The following PTPRO variants were observed in gnomAD, a reference collection of about 807,000 sequenced individuals.
PTPRO encodes protein tyrosine phosphatase receptor type O, also known as receptor-type tyrosine-protein phosphatase O.
In PTPRO, 62 loss-of-function variants were observed where a neutral mutation model predicts 145.2. The ratio of observed to expected loss-of-function variants is 0.43; its 90% CI spans 0.35 to 0.53. The LOEUF (loss-of-function observed/expected upper bound fraction) is 0.53. Ranked by LOEUF, PTPRO falls within the 20% of genes least tolerant of loss-of-function variation. The pLI, the probability that PTPRO is intolerant of heterozygous loss-of-function variation, is 0.01. For synonymous variants in PTPRO, 565 were observed against 514.7 expected (o/e 1.10, Z -1.32); for missense variants, 1,345 against 1,482.7 (o/e 0.91, Z 1.53).
intron 9 of PTPRO, among the ~76,000 whole-genome samples, chr12:15,518,115 C>G (rs538451801): frequency 6.6e-6 from 1 of 152,246 alleles, no homozygotes; most frequent in Non-Finnish European, 1.5e-5. Context: ...TTTCTGAAAT[C>G]TAGGTGGAGG....
At chr12:15,520,714 A>G (rs1253822218) in intron 10 of PTPRO, among the ~76,000 whole-genome samples, 1 of 152,210 alleles carries the variant, frequency 6.6e-6, no homozygotes, top group South Asian at 2.1e-4. Flanking sequence ...TTAAAGTCAT[A>G]GGCTGACTGT....
At chr12:15,338,936 C>A (rs1052377833) in intron 1 of PTPRO, among the ~76,000 whole-genome samples, 1 of 151,686 alleles carries the variant, frequency 6.6e-6, no homozygotes, top group Non-Finnish European at 1.5e-5. Flanking sequence ...TTTAAGAGTA[C>A]AAAACAAAGT....
intron 1 of PTPRO, among the ~76,000 whole-genome samples, chr12:15,394,154 G>A (rs1350278549): frequency 6.6e-6 from 1 of 152,070 alleles, no homozygotes; most frequent in African/African-American, 2.4e-5. Context: ...TGGAGATTAT[G>A]TTTCAATATG....
intron 1 of PTPRO, among the ~76,000 whole-genome samples, chr12:15,365,414 A>T (rs1394402550): frequency 1.3e-5 from 2 of 151,480 alleles, no homozygotes; most frequent in South Asian, 2.1e-4. Context: ...ATATATGTTT[A>T]TATATATATA....
chr12:15,488,851 T>G (rs990334988), intron 2 of PTPRO, among the ~76,000 whole-genome samples: 8 of 152,214 alleles, frequency 5.3e-5, no homozygotes, highest in Non-Finnish European at 1.2e-4. Flanking sequence ...CTTCAGTATA[T>G]TGCCTGCCCT....
At chr12:15,462,574 C>T (rs879764571) in intron 1 of PTPRO, among the ~76,000 whole-genome samples, 16 of 152,242 alleles carry the variant, frequency 1.1e-4, no homozygotes, top group Middle Eastern at 6.8e-3. Flanking sequence ...ACCAGTGTTC[C>T]GTGCTCACAA....
chr12:15,333,719 G>T (rs1866677119), intron 1 of PTPRO, among the ~76,000 whole-genome samples: 1 of 152,194 alleles, frequency 6.6e-6, no homozygotes, highest in Non-Finnish European at 1.5e-5. Flanking sequence ...ATGCCATTTT[G>T]CTCTGGTGGA....
chr12:15,536,110 A>C (rs1214478363), intron 12 of PTPRO, among the ~76,000 whole-genome samples: 2 of 152,212 alleles, frequency 1.3e-5, no homozygotes, highest in Non-Finnish European at 2.9e-5. Flanking sequence ...ACTATATGCC[A>C]CACACTATTC....
At chr12:15,361,247 C>A (rs1309905428) in intron 1 of PTPRO, among the ~76,000 whole-genome samples, 3 of 151,426 alleles carry the variant, frequency 2.0e-5, no homozygotes, top group Non-Finnish European at 4.4e-5. Flanking sequence ...ACCAGCCTGG[C>A]CAGCATGGTG....
At chr12:15,358,138 A>C (rs532575362) in intron 1 of PTPRO, among the ~76,000 whole-genome samples, 1 of 150,670 alleles carries the variant, frequency 6.6e-6, no homozygotes, top group East Asian at 2.0e-4. Flanking sequence ...TCGCAAGGAC[A>C]AAAAACCAAA....
At chr12:15,558,571 C>A (rs143317534) in intron 16 of PTPRO, among the ~76,000 whole-genome samples, 1 of 152,342 alleles carries the variant, frequency 6.6e-6, no homozygotes, top group African/African-American at 2.4e-5. Context: ...ATGAAGCTAA[C>A]ATGTACTACT....
At chr12:15,515,390 C>T (rs2136500937) in intron 7 of PTPRO, 108 bp from the exon 8 acceptor site, 3 of 1,450,456 alleles carry the variant, frequency 2.1e-6, no homozygotes, top group South Asian at 2.4e-5. Flanking sequence ...TTCTGGATTT[C>T]AAAGTCATCT....
chr12:15,423,395 G>A (rs1940199493), intron 1 of PTPRO, among the ~76,000 whole-genome samples: 1 of 151,852 alleles, frequency 6.6e-6, no homozygotes, highest in African/African-American at 2.4e-5. Context: ...AATATAAGAT[G>A]GTTTGTAATC....
chr12:15,445,731 A>C (rs1275675762), intron 1 of PTPRO, among the ~76,000 whole-genome samples: 2 of 152,172 alleles, frequency 1.3e-5, no homozygotes, highest in Non-Finnish European at 2.9e-5. Context: ...AAATTACTTC[A>C]TTAAAATGAA....
At chr12:15,565,353 G>A (rs1943870519) in intron 17 of PTPRO, 2 of 329,530 alleles carry the variant, frequency 6.1e-6, no homozygotes, top group Non-Finnish European at 1.1e-5. Context: ...TCAGTTTTTG[G>A]CAAATGGGAA....
chr12:15,419,464 A>T lies in PTPRO; in HGVS notation c.76-64510A>T, dbSNP rs969723449. ...TGGGAAAAAAATTTCATTACGCATAAGAAGTATAGCTAAATACTTAACTGA... is the reference window on the plus strand; with the variant it reads ...TGGGAAAAAAATTTCATTACGCATATGAAGTATAGCTAAATACTTAACTGA... On this transcript the variant is annotated intron_variant, in intron 1 of 26. Transcript: ENST00000281171. Among the ~76,000 whole-genome samples, 25 of 151,768 alleles carry T rather than the reference A, an allele frequency of 1.6e-4. 2 individuals are homozygous for T. The highest frequency in any genetic ancestry group is 6.1e-4 in the African/African-American group (25 of 41,022).
chr12:15,553,922 A>T (rs1359471873), intron 15 of PTPRO, among the ~76,000 whole-genome samples: 1 of 152,164 alleles, frequency 6.6e-6, no homozygotes, highest in Non-Finnish European at 1.5e-5. Flanking sequence ...GGAAATGAAA[A>T]AAGGAGTTGA....
chr12:15,465,400 T>G lies in PTPRO; in HGVS notation c.76-18574T>G, dbSNP rs529843390. On this transcript the variant is annotated intron_variant, in intron 1 of 26. Coordinates refer to ENST00000281171, the MANE Select transcript of PTPRO (RefSeq NM_030667.3). ...TGAATAACCTGAACATATTTCTTCTTTATATATTGGTTTAAGAAGATGTTA... is the reference window on the plus strand; with the variant it reads ...TGAATAACCTGAACATATTTCTTCTGTATATATTGGTTTAAGAAGATGTTA... Among the ~76,000 whole-genome samples, 3 of 152,378 alleles carry G rather than the reference T, an allele frequency of 2.0e-5. No individual in the cohort carries two copies. The East Asian group carries it at 5.8e-4, about 29-fold the overall frequency.
intron 1 of PTPRO, among the ~76,000 whole-genome samples, chr12:15,325,461 A>AAGTT (rs1194349353): frequency 1.3e-5 from 2 of 152,204 alleles, no homozygotes; most frequent in Non-Finnish European, 2.9e-5. Flanking sequence ...GCACATTATG[A>AAGTT]AGCTAATATC....
Sources: allele counts gnomAD v4.1 joint callset (sites outside exome capture counted in the v4.1 genomes callset), GRCh38; gene constraint gnomAD v4.1.1; transcripts MANE v1.5; gene names NCBI Gene and HGNC (gene_info 2026-07-23, HGNC 2026-07-21).